Variants in KALRN observed in about 807,000 individuals in gnomAD.
KALRN encodes the protein kalirin.
A neutral mutation model predicts 353.7 loss-of-function variants in KALRN; 70 were observed. The ratio of observed to expected loss-of-function variants is 0.20; its 90% confidence interval spans 0.16 to 0.24. KALRN has a LOEUF of 0.24. KALRN is among the 10% of genes least tolerant of loss of function. The pLI is 1.00. For missense variants in KALRN, 2,791 were observed against 3,756.7 expected (o/e 0.74, Z 6.72); for synonymous variants, 1,391 against 1,434.8 (o/e 0.97, Z 0.69).
At chr3:124,169,529 A>G (rs146242198) in intron 1 of KALRN, among the ~76,000 whole-genome samples, 105 of 152,254 alleles carry the variant, frequency 6.9e-4, no homozygotes, top group African/African-American at 2.5e-3. Flanking sequence ...CTACTGGTGC[A>G]GTGGAATCCC....
intron 6 of KALRN, among the ~76,000 whole-genome samples, chr3:124,311,061 CTTCTTT>C (rs2078203314): frequency 1.3e-5 from 1 of 77,764 alleles, no homozygotes; most frequent in South Asian, 4.6e-4. Context: ...TGAGATACTA[CTTCTTT>C]TTTTTTTTTT....
At chr3:124,348,664 A>G (rs1191857096) in intron 10 of KALRN, among the ~76,000 whole-genome samples, 1 of 152,196 alleles carries the variant, frequency 6.6e-6, no homozygotes, top group Non-Finnish European at 1.5e-5. Flanking sequence ...TAGAAGTACC[A>G]TAGATCCAGC....
At chr3:124,535,802 C>A (rs764583371) in intron 33 of KALRN, among the ~76,000 whole-genome samples, 1 of 152,142 alleles carries the variant, frequency 6.6e-6, no homozygotes, top group Admixed American at 6.6e-5. Flanking sequence ...TTTCACATAA[C>A]AGATAACTGC....
chr3:124,116,760 T>C (rs1649137557), intron 1 of KALRN, among the ~76,000 whole-genome samples: 1 of 152,182 alleles, frequency 6.6e-6, no homozygotes, highest in African/African-American at 2.4e-5. Context: ...TAACTAATAA[T>C]AAATAGGACA....
intron 33 of KALRN, among the ~76,000 whole-genome samples, chr3:124,539,076 G>C (rs1367121821): frequency 6.6e-6 from 1 of 152,170 alleles, no homozygotes; most frequent in Non-Finnish European, 1.5e-5. Context: ...AGCCCTGATG[G>C]CTGCACGTGC....
intron 1 of KALRN, among the ~76,000 whole-genome samples, chr3:124,153,569 A>T (rs1297728006): frequency 1.3e-5 from 2 of 150,214 alleles, no homozygotes; most frequent in Non-Finnish European, 3.0e-5. Context: ...ATAGTGCCGC[A>T]ATAAACATAC....
At chr3:124,450,151 T>G (rs893793479) in intron 21 of KALRN, among the ~76,000 whole-genome samples, 1 of 152,218 alleles carries the variant, frequency 6.6e-6, no homozygotes, top group African/African-American at 2.4e-5. Context: ...TATACCATTT[T>G]GTACTCTCAC....
At chr3:124,392,922 T>G (rs188308772) in intron 11 of KALRN, among the ~76,000 whole-genome samples, 2,043 of 146,526 alleles carry the variant, frequency 0.014, 85 homozygotes, top group East Asian at 0.075. Context: ...TATCTCCCAA[T>G]GCTATCCCTC....
intron 3 of KALRN, among the ~76,000 whole-genome samples, chr3:124,251,816 C>A (rs2071217586): frequency 6.6e-6 from 1 of 152,156 alleles, no homozygotes; most frequent in Non-Finnish European, 1.5e-5. Context: ...TTGGGTGTGA[C>A]CCTGGGACCT....
At chr3:124,439,196 T>TCACACA (rs1491034990) in intron 18 of KALRN, among the ~76,000 whole-genome samples, 159 bp downstream of exon 18, 8 of 79,308 alleles carry the variant, frequency 1.0e-4, no homozygotes, top group African/African-American at 4.1e-4. Flanking sequence ...CTTCTCTCTC[T>TCACACA]CTCTCACACA....
In KALRN at chr3:124,417,427, G is replaced by A. The variant is rs550117736; in HGVS notation, c.2542+3762G>A. The stretch of plus-strand genomic sequence containing the variant: ...GTGCGACTGTTACACTTGACTTTAG[G>A]AATAAGACAAGAGCAACGTACCCTA... On this transcript the variant is annotated intron_variant, in intron 14 of 59. Transcript: ENST00000682506. 1.0e-3 allele frequency among the ~76,000 whole-genome samples: 156 copies of A among 152,204 alleles called. 2 individuals are homozygous for A. Among genetic ancestry groups the A allele is most frequent in the African/African-American group, 3.6e-3 (150 of 41,530 alleles).
At chr3:124,560,416 C>G (rs1038366112) in intron 33 of KALRN, among the ~76,000 whole-genome samples, 14 of 152,322 alleles carry the variant, frequency 9.2e-5, no homozygotes, top group Admixed American at 9.2e-4. Flanking sequence ...GAATTTCAGT[C>G]ATCTAGGCCG....
intron 1 of KALRN, among the ~76,000 whole-genome samples, chr3:124,101,127 A>G (rs2061829853): frequency 6.6e-6 from 1 of 152,196 alleles, no homozygotes; most frequent in South Asian, 2.1e-4. Flanking sequence ...ACAAACTTCA[A>G]CCATTTTCAA....
rs531354038 is a variant in KALRN at position 124,622,744 on chromosome 3, G to T, written c.5183-9676G>T. 1.4e-4 allele frequency among the ~76,000 whole-genome samples: 22 copies of T among 152,184 alleles called. No homozygotes were observed. In the South Asian group the frequency reaches 3.7e-3, roughly 26 times the overall value. On this transcript the variant is annotated intron_variant, in intron 34 of 59. Transcript: ENST00000682506. ...CCTTCTCTACTTCCAAATCGCCTTG[G>T]GGTCAGTAGAAACAAGGCTAAGTCA...
Position 124,047,112 on chromosome 3 carries a change from A to T in KALRN, c.73+13299A>T, listed in dbSNP as rs549534090. ...GACTCCTTTTATCACTTGCTTATAA[A>T]TATTCACATAATTCACAGGCGCTGG... On this transcript the variant is annotated intron_variant, in intron 1 of 59. Transcript: ENST00000682506. Among the ~76,000 whole-genome samples the T allele has an allele frequency of 5.3e-5, 8 of 152,202 alleles. No homozygotes were observed. In the East Asian group the frequency reaches 1.2e-3, roughly 22 times the overall value.
intron 1 of KALRN, among the ~76,000 whole-genome samples, chr3:124,169,332 G>A (rs2071372362): frequency 6.6e-6 from 1 of 152,078 alleles, no homozygotes; most frequent in African/African-American, 2.4e-5. Flanking sequence ...TTGATAATAG[G>A]GTAGGGATGG....
chr3:124,142,270 T>C (rs1316034500), intron 1 of KALRN, among the ~76,000 whole-genome samples: 4 of 152,150 alleles, frequency 2.6e-5, no homozygotes, highest in African/African-American at 9.7e-5. Context: ...CCCAAGCAGG[T>C]AAGTGGCTGA....
At chr3:124,363,942 T>C (rs1382949736) in intron 10 of KALRN, among the ~76,000 whole-genome samples, 1 of 152,238 alleles carries the variant, frequency 6.6e-6, no homozygotes, top group Admixed American at 6.5e-5. Context: ...ATCAGTTTCT[T>C]TTCCCTGCCC....
chr3:124,046,659 G>A (rs934842945), intron 1 of KALRN, among the ~76,000 whole-genome samples: 3 of 152,182 alleles, frequency 2.0e-5, no homozygotes, highest in African/African-American at 2.4e-5. Flanking sequence ...TGATTTGGAC[G>A]AGATGTCTAG....
Sources: allele counts gnomAD v4.1 joint callset (sites outside exome capture counted in the v4.1 genomes callset), GRCh38; gene constraint gnomAD v4.1.1; transcripts MANE v1.5; gene names NCBI Gene and HGNC (gene_info 2026-07-23, HGNC 2026-07-21).